The following CSAG1 variants were observed in gnomAD, a reference collection of about 807,000 sequenced individuals.
The protein encoded by CSAG1 is chondrosarcoma-associated gene 1 protein.
A neutral mutation model predicts 4.8 loss-of-function variants in CSAG1; 4 were observed. The ratio of observed to expected loss-of-function variants is 0.83; its 90% CI spans 0.41 to 1.90. The LOEUF is 1.90. Ranked by LOEUF, CSAG1 falls within the 40% of genes most tolerant of loss-of-function variation. The probability of loss-of-function intolerance (pLI) is 0.03; values close to 1 mark genes in which losing one functional copy is unlikely to be tolerated. For synonymous variants in CSAG1, 21 were observed against 23.1 expected, an observed-to-expected ratio of 0.91 and a Z score of 0.26; for missense variants, 69 against 59.5, an observed-to-expected ratio of 1.16 and a Z score of -0.53.
At position 152,732,452 on chromosome X, in the gene CSAG1, C is replaced by A; in HGVS notation, c.9G>T (p.Ala3=). 1 of 1,206,989 alleles carries A rather than the reference C, an allele frequency of 8.3e-7. No homozygotes were observed. Among genetic ancestry groups the A allele is most frequent in the Non-Finnish European group, 1.1e-6 (1 of 893,951 alleles). ...TACAATTTAGTGCCTTACCTGTAGT[C>A]GCCGACATTACAAGCAAATTTGGGC... MS[A]TTACWPAFTV... The change falls in exon 2 of 4, where the codon GCG becomes GCT. Residue 3 remains alanine, a synonymous_variant. Coordinates refer to ENST00000452779, the MANE Select transcript of CSAG1 (RefSeq NM_001102576.3).
intron 2 of CSAG1, among the ~76,000 whole-genome samples, chrX:152,729,647 A>G (rs1932112336): frequency 8.9e-6 from 1 of 111,783 alleles, no homozygotes; most frequent in Non-Finnish European, 1.9e-5. Flanking sequence ...TACTAAAATG[A>G]GATACCACTA....
rs374323278 is a variant in CSAG1 at position 152,732,485 on chromosome X, C to T, written c.-25G>A. On this transcript the variant is annotated 5_prime_UTR_variant, in exon 2 of 4. Transcript: ENST00000452779. ...TTACAAGCAAATTTGGGCTGCTGTG[C>T]TCTGCTTCCCAAATCAACCCTGTAA... 42 of 1,208,341 alleles carry T rather than the reference C, an allele frequency of 3.5e-5. No individual in the cohort carries two copies. Among genetic ancestry groups the T allele is most frequent in the Non-Finnish European group, 4.4e-5 (39 of 894,719 alleles).
At chrX:152,731,276 C>T (rs1556228337) in intron 2 of CSAG1, among the ~76,000 whole-genome samples, 1 of 111,957 alleles carries the variant, frequency 8.9e-6, no homozygotes, top group Admixed American at 9.5e-5. Flanking sequence ...TTTTTTATCA[C>T]AAATATGCCA....
At position 152,728,093 on chromosome X, in the gene CSAG1, G is replaced by A. The variant is rs1556830750; in HGVS notation, c.148C>T (p.His50Tyr). 8.3e-7 allele frequency: 1 copy of A among 1,208,907 alleles called. No homozygotes were observed. Among genetic ancestry groups the A allele is most frequent in the African/African-American group, 1.8e-5 (1 of 56,757 alleles). The change falls in exon 3 of 4, where the codon CAC becomes TAC. Residue 50 changes from histidine (H) to tyrosine (Y), a missense_variant. By Grantham distance (83) the His-to-Tyr change is moderately conservative (BLOSUM62 2). Coordinates refer to ENST00000452779, the MANE Select transcript of CSAG1 (RefSeq NM_001102576.3). Reference protein sequence around the residue: ...PRASSPFSNNHPSTPKRFPRQ... With the variant: ...PRASSPFSNNYPSTPKRFPRQ... ...CCTCGCCTCTTTGGTGTTGATGGGT[G>A]GTTGTTGGAAAATGGGCTGGAGGCT...
At chrX:152,729,056 T>C (rs1353612500) in intron 2 of CSAG1, among the ~76,000 whole-genome samples, 2 of 110,085 alleles carry the variant, frequency 1.8e-5, no homozygotes, top group African/African-American at 6.6e-5. Context: ...TAAAACAGAA[T>C]AGAGCTCAGA....
At chrX:152,732,888 G>A in intron 1 of CSAG1, 1 of 133,356 alleles carries the variant, frequency 7.5e-6, no homozygotes, top group Non-Finnish European at 1.5e-5. Flanking sequence ...TAGTGGGAGA[G>A]GAATTACGTT....
At position 152,728,277 on chromosome X, in the gene CSAG1, C is replaced by A. The variant is rs1369968051; in HGVS notation, c.17-53G>T. On this transcript the variant is annotated intron_variant, in intron 2 of 3. Coordinates refer to ENST00000452779, the MANE Select transcript of CSAG1 (RefSeq NM_001102576.3). ...TAGTCTTGTGGTAGAATTCCTTTTC[C>A]AAGAAACCTTGGTCTTTTAACACCT... The A allele has an allele frequency of 5.2e-6, 6 of 1,147,132 alleles. No individual in the cohort carries two copies. In the African/African-American group the frequency reaches 1.1e-4, roughly 21 times the overall value. The allele number at this position is 1,147,132 out of a possible 1,213,427, so 94.5% of individuals were successfully genotyped here.
chrX:152,728,485 A>AT (rs1331575277), intron 2 of CSAG1, among the ~76,000 whole-genome samples: 1 of 112,112 alleles, frequency 8.9e-6, no homozygotes, highest in Non-Finnish European at 1.9e-5. Context: ...GCCACTGCAA[A>AT]TATCTTGCAC....
chrX:152,730,659 T>G (rs2471783), intron 2 of CSAG1, among the ~76,000 whole-genome samples: 1 of 107,070 alleles, frequency 9.3e-6, no homozygotes, highest in African/African-American at 3.5e-5. Flanking sequence ...ATAAGCCACC[T>G]AGTCTACACT....
chrX:152,728,284 C>G (rs1462671079), intron 2 of CSAG1, 60 bp from the exon 3 acceptor site: 3 of 1,132,960 alleles, frequency 2.6e-6, no homozygotes, highest in African/African-American at 1.8e-5. Flanking sequence ...TTCCAAGAAA[C>G]CTTGGTCTTT....
At position 152,732,878 on chromosome X, in the gene CSAG1, T is replaced by G. The variant is rs112383352; in HGVS notation, c.-44-374A>C. ...TGCTAATAACAACCTGAAACCAACA[T>G]AGTGGGAGAGGAATTACGTTTAAAA... On this transcript the variant is annotated intron_variant, in intron 1 of 3. Coordinates refer to ENST00000452779, the MANE Select transcript of CSAG1 (RefSeq NM_001102576.3). 6.5e-3 allele frequency: 885 copies of G among 136,644 alleles called. 9 individuals are homozygous for G. Among genetic ancestry groups the G allele is most frequent in the African/African-American group, 0.027 (830 of 31,171 alleles). 11.3% of individuals were successfully genotyped at this position (136,644 alleles called of 1,213,427 possible).
chrX:152,728,731 T>C (rs1932081067), intron 2 of CSAG1, among the ~76,000 whole-genome samples: 1 of 111,957 alleles, frequency 8.9e-6, no homozygotes, highest in Non-Finnish European at 1.9e-5. Flanking sequence ...CTTCTGGTGA[T>C]GGCCTTATTC....
intron 2 of CSAG1, 149 bp downstream of exon 2, chrX:152,732,296 G>A: frequency 5.4e-6 from 4 of 736,273 alleles, no homozygotes; most frequent in Admixed American, 5.0e-5. Context: ...TGTATAAGCT[G>A]CTTATAGAGG....
chrX:152,727,973 T>C, intron 3 of CSAG1, 101 bp downstream of exon 3: 4 of 1,203,563 alleles, frequency 3.3e-6, no homozygotes, highest in Non-Finnish European at 4.5e-6. Flanking sequence ...GGGTGGGGGT[T>C]GTGCCAGGGG....
intron 2 of CSAG1, among the ~76,000 whole-genome samples, chrX:152,731,334 T>C (rs1352867764): frequency 8.9e-6 from 1 of 112,410 alleles, no homozygotes; most frequent in Non-Finnish European, 1.9e-5. Flanking sequence ...AGAAATAAAA[T>C]ACATCAGTAA....
rs1556830833 is a variant in CSAG1, at chrX:152,728,218, C to T, written c.23G>A (p.Trp8Ter). Residue 8 changes from tryptophan to a stop codon, truncating the protein, a stop_gained, in exon 3 of 4, where the codon TGG becomes TAG. Coordinates refer to ENST00000452779, the MANE Select transcript of CSAG1 (RefSeq NM_001102576.3). LOFTEE classifies it high-confidence loss of function. MSATTAC[W>*]PAFTVLGEAR... is the part of the protein sequence containing the mutation. Reference sequence around the variant, plus strand: ...TTCCCCCAGGACAGTGAAGGCAGGCCAGCAGGCTAGAAACTCACACGACAT... The same window carrying T: ...TTCCCCCAGGACAGTGAAGGCAGGCTAGCAGGCTAGAAACTCACACGACAT... 2.9e-5 allele frequency: 35 copies of T among 1,206,864 alleles called. No individual in the cohort carries two copies. The highest frequency in any genetic ancestry group is 1.9e-4 in the African/African-American group (11 of 57,031).
Position 152,727,870 on chromosome X carries a change from A to G in CSAG1, c.168-7T>C, listed in dbSNP as rs2124962498. ...TCTGGGTTGTCTTGGGAACCTGGAAAGCCAACAGGGAGATCACAGGAGGGC... is the reference window on the plus strand; with the variant it reads ...TCTGGGTTGTCTTGGGAACCTGGAAGGCCAACAGGGAGATCACAGGAGGGC... On this transcript the variant is annotated splice_polypyrimidine_tract_variant and splice_region_variant and intron_variant, in intron 3 of 3. Transcript: ENST00000452779. The G allele has an allele frequency of 8.3e-7, 1 of 1,209,162 alleles. No homozygotes were observed. Among genetic ancestry groups the G allele is most frequent in the Admixed American group, 2.2e-5 (1 of 46,008 alleles).
intron 3 of CSAG1, 93 bp from the exon 4 acceptor site, chrX:152,727,956 C>T: frequency 8.3e-7 from 1 of 1,199,095 alleles, no homozygotes; most frequent in Non-Finnish European, 1.1e-6. Flanking sequence ...AGAAATGGTA[C>T]AGGCTGGGGT....
intron 1 of CSAG1, chrX:152,733,004 A>AAT (rs782690148): frequency 8.1e-4 from 93 of 114,358 alleles, no homozygotes; most frequent in Non-Finnish European, 1.5e-3. Context: ...CGTAGAAATA[A>AAT]ATATATATAT....
Sources: gnomAD v4.1 joint callset for allele counts (sites outside exome capture counted in the v4.1 genomes callset) on GRCh38, gnomAD v4.1.1 for gene constraint, MANE v1.5 for transcripts, NCBI Gene and HGNC (gene_info 2026-07-23, HGNC 2026-07-21) for gene names.